The following CSF1 variants were observed in gnomAD, a reference collection of about 807,000 sequenced individuals.
CSF1 encodes the protein colony stimulating factor 1.
In CSF1, 9 loss-of-function variants were observed where a neutral mutation model predicts 48.9. That is an observed-to-expected ratio of 0.18 (90% CI 0.11 to 0.32). CSF1 has a LOEUF of 0.32. Ranked by LOEUF, CSF1 falls within the 10% of genes least tolerant of loss-of-function variation. The pLI is 1.00. For synonymous variants in CSF1, 305 were observed against 284.1 expected, an observed-to-expected ratio of 1.07 and a Z score of -0.74; for missense variants, 672 against 697.9, an observed-to-expected ratio of 0.96 and a Z score of 0.42.
chr1:109,910,719 G>A, upstream of CSF1: 2 of 344,922 alleles, frequency 5.8e-6, no homozygotes, highest in South Asian at 5.0e-5. Flanking sequence ...GGCCTCTGGA[G>A]TGTGTGTGTC....
Position 109,921,916 on chromosome 1 carries a change from A to T in CSF1, c.466A>T (p.Thr156Ser). ...GAAGGTCAAGAATGTCTTTAATGAA[A>T]CAAAGAATCTCCTTGACAAGGACTG... ...LEKVKNVFNETKNLLDKDWNI... is the reference protein window; with the variant it reads ...LEKVKNVFNESKNLLDKDWNI... The change falls in exon 5 of 9, where the codon ACA (threonine) becomes TCA (serine). Residue 156 changes from threonine to serine, a missense_variant. Transcript: ENST00000329608. 1 of 1,612,442 alleles carries T rather than the reference A, an allele frequency of 6.2e-7. No individual in the cohort carries two copies. Among genetic ancestry groups the T allele is most frequent in the Non-Finnish European group, 8.5e-7 (1 of 1,178,896 alleles).
upstream of CSF1, chr1:109,910,572 G>C (rs577751914): frequency 4.8e-5 from 14 of 290,352 alleles, no homozygotes; most frequent in Admixed American, 2.7e-4. Flanking sequence ...GCAGGGTGGG[G>C]ACGCGGTGGA....
At chr1:109,911,564 G>A (rs1654684664) in intron 1 of CSF1, among the ~76,000 whole-genome samples, 1 of 152,158 alleles carries the variant, frequency 6.6e-6, no homozygotes, top group African/African-American at 2.4e-5. Flanking sequence ...CTTGCTGGCA[G>A]AGGGACGGAG....
intron 4 of CSF1, 115 bp from the exon 5 acceptor site, chr1:109,921,732 A>G: frequency 7.5e-7 from 1 of 1,332,024 alleles, no homozygotes; most frequent in Non-Finnish European, 1.0e-6. Context: ...GGGAGCAAGG[A>G]AACAAAAGGG....
At position 109,917,488 on chromosome 1, in the gene CSF1, A is replaced by C. The variant is rs765099718; in HGVS notation, c.396+25A>C. 23 of 1,611,978 alleles carry C rather than the reference A, an allele frequency of 1.4e-5. 1 individual carries two copies. The South Asian group carries it at 2.3e-4, about 16-fold the overall frequency. ...GGTAGGAAGCCCTGAGGCCTGGAGC[A>C]CTGAGTGAGGGCAGAGGGTGGCTGT... is the stretch of plus-strand genomic sequence containing the variant. On this transcript the variant is annotated intron_variant, in intron 4 of 8. Transcript: ENST00000329608.
chr1:109,921,555 G>T lies in CSF1; in HGVS notation c.397-292G>T, dbSNP rs114824384. Among the ~76,000 whole-genome samples the T allele has an allele frequency of 6.9e-3, 1,053 of 152,278 alleles. 16 individuals carry two copies. The highest frequency in any genetic ancestry group is 0.024 in the African/African-American group (994 of 41,542). On this transcript the variant is annotated intron_variant, in intron 4 of 8. Coordinates refer to ENST00000329608, the MANE Select transcript of CSF1 (RefSeq NM_000757.6). ...CAATGTGTTTAGTCCCTGCTGGATT[G>T]CTGGACTCAGTGTCCAACTCAGCCA... is the stretch of plus-strand genomic sequence containing the variant.
At chr1:109,918,653 A>C (rs1336239606) in intron 4 of CSF1, among the ~76,000 whole-genome samples, 1 of 152,162 alleles carries the variant, frequency 6.6e-6, no homozygotes, top group Non-Finnish European at 1.5e-5. Context: ...TGTCTTGAGC[A>C]CCTGGATATT....
At chr1:109,919,193 T>G (rs999715404) in intron 4 of CSF1, among the ~76,000 whole-genome samples, 1 of 152,068 alleles carries the variant, frequency 6.6e-6, no homozygotes, top group Non-Finnish European at 1.5e-5. Flanking sequence ...GGAAAAGAGA[T>G]GTAGCTGGAG....
chr1:109,922,708 A>T (rs1236780068), intron 5 of CSF1, among the ~76,000 whole-genome samples: 1 of 149,140 alleles, frequency 6.7e-6, no homozygotes, highest in Non-Finnish European at 1.5e-5. Flanking sequence ...TTCTAGCCCC[A>T]GCCTGTTCCT....
At chr1:109,921,091 C>T (rs534537788) in intron 4 of CSF1, among the ~76,000 whole-genome samples, 1 of 152,068 alleles carries the variant, frequency 6.6e-6, no homozygotes, top group Non-Finnish European at 1.5e-5. Context: ...TTCTCCACAC[C>T]ACAGCTCAAT....
In CSF1 at chr1:109,910,866, A is replaced by C; in HGVS notation, c.-158A>C. 2.2e-5 allele frequency: 7 copies of C among 312,940 alleles called. No homozygotes were observed. The highest frequency in any genetic ancestry group is 3.0e-5 in the Non-Finnish European group (6 of 203,054). The allele number at this position is 312,940 out of a possible 1,614,324, so 19.4% of individuals were successfully genotyped here. ...TGGCCAGTGAGGCTCGGCCCGGGGAAAGTGAAAGTTTGCCTGGGTCCTCTC... is the reference window on the plus strand; with the variant it reads ...TGGCCAGTGAGGCTCGGCCCGGGGACAGTGAAAGTTTGCCTGGGTCCTCTC... On this transcript the variant is annotated 5_prime_UTR_variant, in exon 1 of 9. Coordinates refer to ENST00000329608, the MANE Select transcript of CSF1 (RefSeq NM_000757.6).
At chr1:109,911,715 C>A (rs555439517) in intron 1 of CSF1, among the ~76,000 whole-genome samples, 1 of 152,202 alleles carries the variant, frequency 6.6e-6, no homozygotes, top group Non-Finnish European at 1.5e-5. Flanking sequence ...AGCTCAGAAT[C>A]TCTTTTTCTT....
rs1291682673 is a variant in CSF1, at chr1:109,923,722, G to A, written c.1101G>A (p.Leu367=). 3.1e-6 allele frequency: 5 copies of A among 1,612,256 alleles called. No individual in the cohort carries two copies. Among genetic ancestry groups the A allele is most frequent in the Non-Finnish European group, 4.2e-6 (5 of 1,179,022 alleles). Residue 367 remains leucine (L), a synonymous_variant, in exon 6 of 9, where the codon TTG becomes TTA. Transcript: ENST00000329608. ...CGGCAGATGTAACTGGTACCGCCTT[G>A]CCCAGGGTGGGCCCCGTGAGGCCCA... ...QQPADVTGTA[L]PRVGPVRPTG...
Position 109,910,939 on chromosome 1 carries a change from G to A in CSF1, c.-85G>A. Reference sequence around the variant, plus strand: ...TCCCAGGACAGCGGTGCGGCCCTCGGCCGGGGCGCCCACTCCGCAGCAGCC... The same window carrying A: ...TCCCAGGACAGCGGTGCGGCCCTCGACCGGGGCGCCCACTCCGCAGCAGCC... On this transcript the variant is annotated 5_prime_UTR_variant, in exon 1 of 9. Coordinates refer to ENST00000329608, the MANE Select transcript of CSF1 (RefSeq NM_000757.6). 1 of 1,052,972 alleles carries A rather than the reference G, an allele frequency of 9.5e-7. No homozygotes were observed. The highest frequency in any genetic ancestry group is 1.2e-6 in the Non-Finnish European group (1 of 849,888). 65.2% of individuals were successfully genotyped at this position (1,052,972 alleles called of 1,614,324 possible). A position where few individuals can be genotyped will look rare whatever the true frequency, so the allele number is the denominator to read the frequency against.
intron 8 of CSF1, among the ~76,000 whole-genome samples, chr1:109,928,396 G>A (rs941969545): frequency 6.6e-6 from 1 of 152,174 alleles, no homozygotes; most frequent in Non-Finnish European, 1.5e-5. Flanking sequence ...CATATGTGAT[G>A]CCCCTCTGAT....
Position 109,929,311 on chromosome 1 carries a change from C to G in CSF1, c.*473C>G, listed in dbSNP as rs1427576195. 3 of 152,878 alleles carry G rather than the reference C, an allele frequency of 2.0e-5. No homozygotes were observed. Among genetic ancestry groups the G allele is most frequent in the African/African-American group, 7.2e-5 (3 of 41,578 alleles). 9.5% of individuals were successfully genotyped at this position (152,878 alleles called of 1,614,324 possible). A position where few individuals can be genotyped will look rare whatever the true frequency, so the allele number is the denominator to read the frequency against. On this transcript the variant is annotated 3_prime_UTR_variant, in exon 9 of 9. Transcript: ENST00000329608. ...AGCCTGGACAGGCATGGACCTGTCT[C>G]CAGAGAGAGGAGCCTGAAGTTCGTG...
intron 8 of CSF1, among the ~76,000 whole-genome samples, chr1:109,927,233 A>G (rs1182780973): frequency 6.6e-6 from 1 of 152,264 alleles, no homozygotes; most frequent in Non-Finnish European, 1.5e-5. Context: ...CCAGTGCCGC[A>G]GGGCTCTCCC....
Position 109,923,496 on chromosome 1 carries a change from A to T in CSF1, c.875A>T (p.Glu292Val). ...GTCGGGGCCTTCAACCCCGGGATGG[A>T]GGATATTCTTGACTCTGCAATGGGC... ...PSVGAFNPGM[E>V]DILDSAMGTN... Residue 292 changes from glutamate (E) to valine (V), a missense_variant, in exon 6 of 9, where the codon GAG becomes GTG. Transcript: ENST00000329608. 6.2e-7 allele frequency: 1 copy of T among 1,614,028 alleles called. No individual in the cohort carries two copies. The highest frequency in any genetic ancestry group is 1.3e-5 in the African/African-American group (1 of 74,986).
rs1648009451 is a variant in CSF1 at position 109,930,154 on chromosome 1, A to G, written c.*1316A>G. 3 of 152,242 alleles carry G rather than the reference A, an allele frequency of 2.0e-5. No homozygotes were observed. The highest frequency in any genetic ancestry group is 1.3e-4 in the Admixed American group (2 of 15,274). 9.4% of individuals were successfully genotyped at this position (152,242 alleles called of 1,614,324 possible). On this transcript the variant is annotated 3_prime_UTR_variant, in exon 9 of 9. Transcript: ENST00000329608. ...CTGGACTGGGCTGCATCTCAGCCCC[A>G]CCTGCATGGTATCCAGCTCCCATCC...
Sources: allele counts gnomAD v4.1 joint callset (sites outside exome capture counted in the v4.1 genomes callset), GRCh38; gene constraint gnomAD v4.1.1; transcripts MANE v1.5; gene names NCBI Gene and HGNC (gene_info 2026-07-23, HGNC 2026-07-21).